GYG1: variants seen among roughly 807,000 people sequenced by gnomAD.
GYG1 encodes glycogenin-1.
A neutral mutation model predicts 41.9 loss-of-function variants in GYG1; 44 were observed. The observed-to-expected ratio is 1.05, with a 90% CI of 0.83 to 1.35. GYG1 has a LOEUF of 1.35. Among genes scored for constraint, GYG1 ranks in the 40% most tolerant of loss-of-function variants. The pLI is 0.00. For missense variants in GYG1, 429 were observed against 418.9 expected (o/e 1.02, Z -0.21); for synonymous variants, 141 against 158.1 (o/e 0.89, Z 0.81).
chr3:149,003,959 A>G (rs1478791064), intron 4 of GYG1: 1 of 152,230 alleles, frequency 6.6e-6, no homozygotes, highest in Admixed American at 6.5e-5. Flanking sequence ...TTAGGAAACA[A>G]ATAGGCCCAG....
At chr3:149,016,654 G>A (rs189954773) in intron 5 of GYG1, among the ~76,000 whole-genome samples, 10 of 144,206 alleles carry the variant, frequency 6.9e-5, no homozygotes, top group Non-Finnish European at 1.6e-4. Flanking sequence ...TTGTTTGCTG[G>A]GGGTAGCAGC....
At chr3:149,001,253 G>C (rs1713080592) in intron 4 of GYG1, 2 of 152,142 alleles carry the variant, frequency 1.3e-5, no homozygotes. Context: ...GCCTGTTCTA[G>C]TAATTTATCA....
intron 5 of GYG1, among the ~76,000 whole-genome samples, chr3:149,017,582 GTTTTTTTTTTTTTTTTT>G (rs58075146): frequency 3.0e-4 from 14 of 47,332 alleles, no homozygotes; most frequent in Non-Finnish European, 3.8e-4. Flanking sequence ...TTTTATTTAG[GTTTTTTTTTTTTTTTTT>G]TTTTTTTTTT....
At chr3:149,021,851 G>A (rs74430618) in intron 5 of GYG1, among the ~76,000 whole-genome samples, 2,446 of 151,802 alleles carry the variant, frequency 0.016, 82 homozygotes, top group African/African-American at 0.056. Flanking sequence ...AAATATCTTG[G>A]TTGCCTGTAA....
Position 149,027,257 on chromosome 3 carries a change from G to T in GYG1, c.*324G>T, listed in dbSNP as rs547392072. 1 of 349,766 alleles carries T rather than the reference G, an allele frequency of 2.9e-6. No individual in the cohort carries two copies. Among genetic ancestry groups the T allele is most frequent in the Non-Finnish European group, 5.3e-6 (1 of 187,444 alleles). 21.7% of individuals were successfully genotyped at this position (349,766 alleles called of 1,614,324 possible). A position where few individuals can be genotyped will look rare whatever the true frequency, so the allele number is the denominator to read the frequency against. On this transcript the variant is annotated 3_prime_UTR_variant, in exon 8 of 8. Coordinates refer to ENST00000345003, the MANE Select transcript of GYG1 (RefSeq NM_004130.4). Reference sequence around the variant, plus strand: ...TCAGTTCTTAAAATCTGCAGAGCCTGGTTCAAAATCAGTCACTCCCTTCAG... The same window carrying T: ...TCAGTTCTTAAAATCTGCAGAGCCTTGTTCAAAATCAGTCACTCCCTTCAG...
At chr3:148,996,972 GA>G (rs1341432556) in intron 4 of GYG1, 68 bp downstream of exon 4, 2 of 1,154,176 alleles carry the variant, frequency 1.7e-6, no homozygotes, top group African/African-American at 3.0e-5. Context: ...CTCTTCTCAG[GA>G]ATATAATTGC....
Position 149,028,884 on chromosome 3 carries a change from C to G in GYG1, c.*1951C>G, listed in dbSNP as rs9850548. On this transcript the variant is annotated 3_prime_UTR_variant, in exon 8 of 8. Coordinates refer to ENST00000345003, the MANE Select transcript of GYG1 (RefSeq NM_004130.4). ...TACAGGCACGCACCACCACGCCCAG[C>G]TAAATTTTGTATTTTTAGTAGAGAC... is the stretch of plus-strand genomic sequence containing the variant. Among the ~76,000 whole-genome samples the G allele has an allele frequency of 0.3, 44,905 of 151,628 alleles. 7,430 individuals carry two copies. Among genetic ancestry groups the G allele is most frequent in the Middle Eastern group, 0.45 (132 of 294 alleles).
intron 6 of GYG1, among the ~76,000 whole-genome samples, chr3:149,026,180 A>C (rs1334228593): frequency 6.6e-6 from 1 of 152,260 alleles, no homozygotes; most frequent in Non-Finnish European, 1.5e-5. Context: ...CAGAAGCTAC[A>C]AGAACAGATG....
At chr3:149,005,007 C>T (rs1279189982) in intron 4 of GYG1, among the ~76,000 whole-genome samples, 2 of 152,172 alleles carry the variant, frequency 1.3e-5, no homozygotes, top group African/African-American at 2.4e-5. Flanking sequence ...TTCTACTTTA[C>T]AACTACGATT....
Position 149,028,693 on chromosome 3 carries a change from A to T in GYG1, c.*1760A>T, listed in dbSNP as rs1714778325. Among the ~76,000 whole-genome samples, 2 of 150,144 alleles carry T rather than the reference A, an allele frequency of 1.3e-5. No individual in the cohort carries two copies. The highest frequency in any genetic ancestry group is 4.2e-4 in the South Asian group (2 of 4,758). ...ACAAAGCTCTAAGGTGGAAAAGCTG[A>T]CATAGTTTTAAATTTTTTTTTTTTT... is the stretch of plus-strand genomic sequence containing the variant. On this transcript the variant is annotated 3_prime_UTR_variant, in exon 8 of 8. Coordinates refer to ENST00000345003, the MANE Select transcript of GYG1 (RefSeq NM_004130.4).
In GYG1 at chr3:148,996,322, T is replaced by G. The variant is rs1381880009; in HGVS notation, c.164T>G (p.Phe55Cys). The change falls in exon 3 of 8, where the codon TTT becomes TGT. Residue 55 changes from phenylalanine (F) to cysteine (C), a missense_variant. Transcript: ENST00000345003. ...DSMRKVLETV[F>C]DEVIMVDVLD... ...GACAGAAAAGTTTTAGAGACAGTCTTTGATGAAGTCATCATGGTAGATGTC... is the reference window on the plus strand; with the variant it reads ...GACAGAAAAGTTTTAGAGACAGTCTGTGATGAAGTCATCATGGTAGATGTC... 2 of 1,611,352 alleles carry G rather than the reference T, an allele frequency of 1.2e-6. No individual in the cohort carries two copies. Among genetic ancestry groups the G allele is most frequent in the African/African-American group, 2.7e-5 (2 of 74,832 alleles).
Position 149,027,101 on chromosome 3 carries a change from G to A in GYG1, c.*168G>A. 1.5e-6 allele frequency: 1 copy of A among 647,962 alleles called. No homozygotes were observed. The highest frequency in any genetic ancestry group is 1.9e-5 in the South Asian group (1 of 51,816). 40.1% of individuals were successfully genotyped at this position (647,962 alleles called of 1,614,324 possible). A position where few individuals can be genotyped will look rare whatever the true frequency, so the allele number is the denominator to read the frequency against. On this transcript the variant is annotated 3_prime_UTR_variant, in exon 8 of 8. Coordinates refer to ENST00000345003, the MANE Select transcript of GYG1 (RefSeq NM_004130.4). ...AAGAGGTGAGAACTGGGCAAAAGTT[G>A]TGAAGCAGCAATTCTGTTATATGGA... is the stretch of plus-strand genomic sequence containing the variant.
rs866810122 is a variant in GYG1, at chr3:149,024,271, T to C, written c.827T>C (p.Val276Ala). 3 of 1,566,376 alleles carry C rather than the reference T, an allele frequency of 1.9e-6. No individual in the cohort carries two copies. In the African/African-American group the frequency reaches 4.1e-5, roughly 21 times the overall value. ...AAAGACACCTGCTCATATGTAAATG[T>C]GGTAGGTTCTGTTTCTTTTCTTCAG... ...LVKDTCSYVN[V>A]LSDLVYTLAF... is the part of the protein sequence containing the mutation. Residue 276 changes from valine to alanine, a missense_variant and splice_region_variant, in exon 6 of 8, where the codon GTG becomes GCG. Coordinates refer to ENST00000345003, the MANE Select transcript of GYG1 (RefSeq NM_004130.4).
Position 149,025,287 on chromosome 3 carries a change from G to A in GYG1, c.828+1015G>A, listed in dbSNP as rs568203145. 2.0e-4 allele frequency among the ~76,000 whole-genome samples: 31 copies of A among 152,200 alleles called. 1 individual carries two copies. In the South Asian group the frequency reaches 4.6e-3, roughly 22 times the overall value. ...TCATCAGGCATTAGATTTTCATAAG[G>A]AGCACACAACCTAGATCCGTTGCAT... On this transcript the variant is annotated intron_variant, in intron 6 of 7. Coordinates refer to ENST00000345003, the MANE Select transcript of GYG1 (RefSeq NM_004130.4).
At chr3:149,003,578 TAAAG>T (rs1015663575) in intron 4 of GYG1, among the ~76,000 whole-genome samples, 50 of 152,332 alleles carry the variant, frequency 3.3e-4, no homozygotes, top group African/African-American at 1.2e-3. Context: ...TTTGTTATAA[TAAAG>T]AAGTCGTTCT....
intron 4 of GYG1, chr3:149,000,866 T>A (rs1302135099): frequency 6.6e-6 from 1 of 152,216 alleles, no homozygotes; most frequent in Non-Finnish European, 1.5e-5. Context: ...TAGGTATGAT[T>A]TATTTAAGTA....
Position 148,996,758 on chromosome 3 carries a change from A to T in GYG1, c.335A>T (p.Asp112Val). 1 of 1,613,934 alleles carries T rather than the reference A, an allele frequency of 6.2e-7. No homozygotes were observed. Among genetic ancestry groups the T allele is most frequent in the Non-Finnish European group, 8.5e-7 (1 of 1,179,806 alleles). The change falls in exon 4 of 8, where the codon GAT (aspartate) becomes GTT (valine). Residue 112 changes from aspartate to valine, a missense_variant. Asp to Val is a radical substitution (Grantham distance 152). Transcript: ENST00000345003. ...TTTGATCAGGTCCTAGCAAATATTGATGATCTTTTTGACAGAGAAGAATTG... is the reference window on the plus strand; with the variant it reads ...TTTGATCAGGTCCTAGCAAATATTGTTGATCTTTTTGACAGAGAAGAATTG... ...DADTLVLANIDDLFDREELSA... is the reference protein window; with the variant it reads ...DADTLVLANIVDLFDREELSA...
chr3:149,020,225 A>G (rs1714291922), intron 5 of GYG1, among the ~76,000 whole-genome samples: 1 of 152,190 alleles, frequency 6.6e-6, no homozygotes, highest in South Asian at 2.1e-4. Flanking sequence ...ATGCTTTCCT[A>G]TTGGTTACTT....
At chr3:149,012,033 C>G (rs896857692) in intron 5 of GYG1, among the ~76,000 whole-genome samples, 1 of 152,216 alleles carries the variant, frequency 6.6e-6, no homozygotes, top group Non-Finnish European at 1.5e-5. Context: ...TTTCCCTTCC[C>G]TCTGCCAGAA....
Sources: allele counts gnomAD v4.1 joint callset (sites outside exome capture counted in the v4.1 genomes callset), GRCh38; gene constraint gnomAD v4.1.1; transcripts MANE v1.5; gene names NCBI Gene and HGNC (gene_info 2026-07-23, HGNC 2026-07-21).